RGPD4: variants seen among roughly 807,000 people sequenced by gnomAD.
RGPD4 encodes ranBP2-like and GRIP domain-containing protein 4.
A neutral mutation model predicts 141.1 loss-of-function variants in RGPD4; 84 were observed. That is an observed-to-expected ratio of 0.60 (90% CI 0.50 to 0.71). The LOEUF (loss-of-function observed/expected upper bound fraction) is 0.71. Ranked by LOEUF, RGPD4 falls within the 30% of genes least tolerant of loss-of-function variation. RGPD4 has a pLI of 0.00. For synonymous variants in RGPD4, 298 were observed against 566.8 expected (o/e 0.53, Z 6.74); for missense variants, 918 against 1,622.4 (o/e 0.57, Z 7.46).
Position 107,827,021 on chromosome 2 carries a change from G to T in RGPD4, c.8G>T (p.Cys3Phe). ...AGCCAGGTTGGTGGCGCGATGAGTTGCAGCAAGGCCTACGGGGAGCGGTAC... is the reference window on the plus strand; with the variant it reads ...AGCCAGGTTGGTGGCGCGATGAGTTTCAGCAAGGCCTACGGGGAGCGGTAC... MS[C>F]SKAYGERYVA... is the part of the protein sequence containing the mutation. The change falls in exon 1 of 23, where the codon TGC becomes TTC. Residue 3 changes from cysteine (C) to phenylalanine (F), a missense_variant. Physicochemically the swap from Cys to Phe is radical, Grantham distance 205. Transcript: ENST00000408999. 1.3e-6 allele frequency: 2 copies of T among 1,599,462 alleles called. No individual in the cohort carries two copies. The highest frequency in any genetic ancestry group is 1.7e-6 in the Non-Finnish European group (2 of 1,174,542).
At chr2:107,833,803 T>C (rs982298596) in intron 1 of RGPD4, among the ~76,000 whole-genome samples, 13 of 152,016 alleles carry the variant, frequency 8.6e-5, no homozygotes, top group African/African-American at 1.4e-4. Context: ...TTTTGGGAGG[T>C]GGAGGAAGTC....
chr2:107,835,503 A>G lies in RGPD4; in HGVS notation c.73-1099A>G, dbSNP rs1681638315. On this transcript the variant is annotated intron_variant, in intron 1 of 22. Coordinates refer to ENST00000408999, the MANE Select transcript of RGPD4 (RefSeq NM_182588.3). ...TCCTTGACTGTAAAATACTGATCTGATCTGTAGAGAGAACAGTACATGTAC... is the reference window on the plus strand; with the variant it reads ...TCCTTGACTGTAAAATACTGATCTGGTCTGTAGAGAGAACAGTACATGTAC... 2.7e-5 allele frequency among the ~76,000 whole-genome samples: 4 copies of G among 148,646 alleles called. No homozygotes were observed. The Admixed American group carries it at 2.7e-4, about 10-fold the overall frequency.
In RGPD4 at chr2:107,859,783, C is replaced by T. The variant is rs368154613; in HGVS notation, c.1696C>T (p.Gln566Ter). ...GCATGAAATAAACACTCTAAGAGCC[C>T]AGGAAAAACATGGCCTTCAACCTGC... ...VQHEINTLRA[Q>*]EKHGLQPALL... is the part of the protein sequence containing the mutation. The change falls in exon 12 of 23, where the codon CAG becomes TAG. Residue 566 changes from glutamine (Q) to a stop codon, truncating the protein, a stop_gained. Transcript: ENST00000408999. LOFTEE classifies it high-confidence loss of function. The T allele has an allele frequency of 5.3e-5, 86 of 1,610,192 alleles. 4 individuals are homozygous for T. The African/African-American group carries it at 1.0e-3, about 20-fold the overall frequency.
At chr2:107,876,354 G>A (rs1012837014) in intron 20 of RGPD4, among the ~76,000 whole-genome samples, 36 of 150,788 alleles carry the variant, frequency 2.4e-4, no homozygotes, top group African/African-American at 7.9e-4. Flanking sequence ...CTCCCAAAGT[G>A]CTGGGATTAC....
rs1682901618 is a variant in RGPD4, at chr2:107,871,195, G to T, written c.3191G>T (p.Gly1064Val). The change falls in exon 20 of 23, where the codon GGG (glycine) becomes GTG (valine). Residue 1064 changes from glycine to valine, a missense_variant. Transcript: ENST00000408999. ...GGTGAAAAAGTTCTGTATTCACAGG[G>T]GGTAAAACTATTTAGATTTGATGCT... ...EEGEKVLYSQ[G>V]VKLFRFDAEV... The T allele has an allele frequency of 1.2e-6, 2 of 1,609,900 alleles. No homozygotes were observed. The highest frequency in any genetic ancestry group is 3.3e-5 in the Admixed American group (2 of 59,790).
chr2:107,882,680 A>C lies in RGPD4; in HGVS notation c.5073A>C (p.Lys1691Asn). The change falls in exon 22 of 23, where the codon AAA (lysine) becomes AAC (asparagine). Residue 1691 changes from lysine (K) to asparagine (N), a missense_variant. Lys to Asn is a moderately conservative substitution (Grantham distance 94, BLOSUM62 0). Coordinates refer to ENST00000408999, the MANE Select transcript of RGPD4 (RefSeq NM_182588.3). ...AVLMEQIKLL[K>N]SEIRRLERNQ... ...CATTTCTCTAACACCAGCTTCTCAA[A>C]AGTGAAATAAGAAGATTGGAAAGGA... 1 of 1,611,322 alleles carries C rather than the reference A, an allele frequency of 6.2e-7. No homozygotes were observed. The highest frequency in any genetic ancestry group is 8.5e-7 in the Non-Finnish European group (1 of 1,179,820).
chr2:107,844,928 C>T (rs1213744393), intron 6 of RGPD4, among the ~76,000 whole-genome samples: 4 of 132,630 alleles, frequency 3.0e-5, no homozygotes, highest in Non-Finnish European at 4.8e-5. Context: ...CTCTGCCTCC[C>T]GGGTTCAGGC....
In RGPD4 at chr2:107,871,155, G is replaced by A; in HGVS notation, c.3151G>A (p.Val1051Ile). 1 of 1,610,666 alleles carries A rather than the reference G, an allele frequency of 6.2e-7. No homozygotes were observed. The highest frequency in any genetic ancestry group is 8.5e-7 in the Non-Finnish European group (1 of 1,179,782). The change falls in exon 20 of 23, where the codon GTA (valine) becomes ATA (isoleucine). Residue 1051 changes from valine (V) to isoleucine (I), a missense_variant. Val to Ile is a conservative substitution (Grantham distance 29). Coordinates refer to ENST00000408999, the MANE Select transcript of RGPD4 (RefSeq NM_182588.3). ...TCAAATGCCTGAAAAAGTAGAACTT[G>A]TAATAGGAGAAGAAGGTGAAAAAGT... ...VVQMPEKVEL[V>I]IGEEGEKVLY...
chr2:107,832,368 C>T (rs554807128), intron 1 of RGPD4, among the ~76,000 whole-genome samples: 2,172 of 151,662 alleles, frequency 0.014, 38 homozygotes, highest in African/African-American at 0.05. Context: ...TATCTCATGT[C>T]GTCTTCATTT....
chr2:107,838,557 G>A lies in RGPD4; in HGVS notation c.252+189G>A, dbSNP rs529184727. 3.1e-5 allele frequency among the ~76,000 whole-genome samples: 2 copies of A among 64,748 alleles called. 1 individual carries two copies. The highest frequency in any genetic ancestry group is 4.6e-4 in the East Asian group (2 of 4,322). The allele number at this position is 64,748 out of a possible 152,430, so 42.5% of individuals were successfully genotyped here. ...CACCTATAAATTGTAAGTCTAACAC[G>A]GTCAGAAATGGTGTTCTTTTGTGTT... On this transcript the variant is annotated intron_variant, in intron 3 of 22. Transcript: ENST00000408999.
At chr2:107,885,614 G>C (rs1299187307) in intron 22 of RGPD4, among the ~76,000 whole-genome samples, 3 of 152,100 alleles carry the variant, frequency 2.0e-5, no homozygotes, top group African/African-American at 7.2e-5. Flanking sequence ...AAACAGACAG[G>C]AAAACACATT....
rs377404850 is a variant in RGPD4, at chr2:107,831,894, C to T, written c.73-4708C>T. On this transcript the variant is annotated intron_variant, in intron 1 of 22. Transcript: ENST00000408999. ...CCCCATTTTAGACATTCTGTACTGGCTATTATGCTCCTCCAAAACTGTCCT... is the reference window on the plus strand; with the variant it reads ...CCCCATTTTAGACATTCTGTACTGGTTATTATGCTCCTCCAAAACTGTCCT... Among the ~76,000 whole-genome samples the T allele has an allele frequency of 6.1e-3, 804 of 132,458 alleles. 6 individuals are homozygous for T. The highest frequency in any genetic ancestry group is 7.5e-3 in the Non-Finnish European group (461 of 61,708). The allele number at this position is 132,458 out of a possible 152,430, so 86.9% of individuals were successfully genotyped here.
chr2:107,853,742 CT>C (rs534131532), intron 7 of RGPD4, among the ~76,000 whole-genome samples: 466 of 46,124 alleles, frequency 0.01, 7 homozygotes, highest in African/African-American at 0.032. Flanking sequence ...TCTGTGTATG[CT>C]TTTTTTTTTT....
chr2:107,833,084 A>G (rs1056213339), intron 1 of RGPD4, among the ~76,000 whole-genome samples: 98 of 150,046 alleles, frequency 6.5e-4, no homozygotes, highest in African/African-American at 2.3e-3. Flanking sequence ...ATTGTCCTGT[A>G]TAATCGCGGC....
intron 15 of RGPD4, 22 bp downstream of exon 15, chr2:107,861,762 G>A: frequency 1.3e-6 from 2 of 1,568,850 alleles, no homozygotes. Flanking sequence ...GTTGTTGTAT[G>A]TACGTTCTTA....
chr2:107,875,791 C>G, intron 20 of RGPD4, among the ~76,000 whole-genome samples: 1 of 114,662 alleles, frequency 8.7e-6, no homozygotes, highest in Non-Finnish European at 1.8e-5. Context: ...CCATTCTTGG[C>G]AATTGTTAAC....
intron 6 of RGPD4, among the ~76,000 whole-genome samples, chr2:107,846,072 T>A (rs7569249): frequency 1.9e-4 from 19 of 100,366 alleles, no homozygotes; most frequent in Non-Finnish European, 3.0e-4. Flanking sequence ...GCCTACAGGT[T>A]CCTGCCACCA....
In RGPD4 at chr2:107,872,892, T is replaced by G; in HGVS notation, c.4888T>G (p.Ser1630Ala). 1 of 1,582,934 alleles carries G rather than the reference T, an allele frequency of 6.3e-7. No homozygotes were observed. Among genetic ancestry groups the G allele is most frequent in the Non-Finnish European group, 8.5e-7 (1 of 1,170,426 alleles). ...NLSASFPMEESSINYTFKTPE... is the reference protein window; with the variant it reads ...NLSASFPMEEASINYTFKTPE... Reference sequence around the variant, plus strand: ...CTCTGCTTCCTTTCCAATGGAAGAATCTTCAATCAACTACACATTTAAAAC... The same window carrying G: ...CTCTGCTTCCTTTCCAATGGAAGAAGCTTCAATCAACTACACATTTAAAAC... Residue 1630 changes from serine (S) to alanine (A), a missense_variant, in exon 20 of 23, where the codon TCT becomes GCT. By Grantham distance (99) the Ser-to-Ala change is moderately conservative. Transcript: ENST00000408999.
intron 22 of RGPD4, among the ~76,000 whole-genome samples, chr2:107,883,773 G>A (rs2104519065): frequency 6.6e-6 from 1 of 151,902 alleles, no homozygotes; most frequent in Admixed American, 6.6e-5. Flanking sequence ...TGTATCTTAA[G>A]AATTATGGTT....
Sources: allele counts gnomAD v4.1 joint callset (sites outside exome capture counted in the v4.1 genomes callset), GRCh38; gene constraint gnomAD v4.1.1; transcripts MANE v1.5; gene names NCBI Gene and HGNC (gene_info 2026-07-23, HGNC 2026-07-21).